PCGF3: variants seen among roughly 807,000 people sequenced by gnomAD.
The protein encoded by PCGF3 is polycomb group ring finger 3.
In PCGF3, 7 loss-of-function variants were observed where a neutral mutation model predicts 33.1. That is an observed-to-expected ratio of 0.21 (90% CI 0.12 to 0.40). The LOEUF (loss-of-function observed/expected upper bound fraction) is 0.40. Among genes scored for constraint, PCGF3 ranks in the 10% least tolerant of loss-of-function variants. PCGF3 has a pLI of 1.00. For missense variants in PCGF3, 211 were observed against 313.3 expected (o/e 0.67, Z 2.46); for synonymous variants, 153 against 121.3 (o/e 1.26, Z -1.72).
At chr4:751,195 C>T (rs73792347) in intron 8 of PCGF3, among the ~76,000 whole-genome samples, 27 of 152,144 alleles carry the variant, frequency 1.8e-4, no homozygotes, top group African/African-American at 5.3e-4. Flanking sequence ...TGGGATTATC[C>T]GCGTCTATAA....
At chr4:748,834 T>C (rs911756138) in intron 8 of PCGF3, among the ~76,000 whole-genome samples, 38 of 152,136 alleles carry the variant, frequency 2.5e-4, no homozygotes, top group African/African-American at 8.9e-4. Context: ...CTGGTTGGCC[T>C]TTGTTAGGTA....
chr4:709,064 A>G (rs897285308), intron 1 of PCGF3, among the ~76,000 whole-genome samples: 1 of 152,218 alleles, frequency 6.6e-6, no homozygotes, highest in Non-Finnish European at 1.5e-5. Context: ...CGAGCGGTCT[A>G]TGCTGTCCTT....
At chr4:757,193 G>C (rs1744805537) in intron 8 of PCGF3, 1 of 147,572 alleles carries the variant, frequency 6.8e-6, no homozygotes, top group Admixed American at 6.8e-5. Flanking sequence ...CCGCCCATGT[G>C]TGTCTGCGTT....
intron 4 of PCGF3, 177 bp downstream of exon 4, chr4:733,966 G>A: frequency 6.4e-7 from 1 of 1,551,512 alleles, no homozygotes; most frequent in Non-Finnish European, 8.7e-7. Flanking sequence ...TCACGCTAAA[G>A]GTCCTGTGGG....
At chr4:765,326 A>C (rs1447405284) in intron 10 of PCGF3, among the ~76,000 whole-genome samples, 1 of 152,116 alleles carries the variant, frequency 6.6e-6, no homozygotes, top group South Asian at 2.1e-4. Context: ...TCAGCTACTC[A>C]GGAGGCTGAG....
chr4:736,554 C>T lies in PCGF3; in HGVS notation c.207-912C>T, dbSNP rs182056002. Among the ~76,000 whole-genome samples, 307 of 102,248 alleles carry T rather than the reference C, an allele frequency of 3.0e-3. 13 individuals carry two copies. Among genetic ancestry groups the T allele is most frequent in the Non-Finnish European group, 3.7e-3 (180 of 49,184 alleles). 67.1% of individuals were successfully genotyped at this position (102,248 alleles called of 152,430 possible). A position where few individuals can be genotyped will look rare whatever the true frequency, so the allele number is the denominator to read the frequency against. ...TAGGATGCAGGGAACCTGGGGTGTC[C>T]GCAGGGACGGTGTCCCCTGAGCGCA... On this transcript the variant is annotated intron_variant, in intron 5 of 10. Coordinates refer to ENST00000362003, the Ensembl canonical transcript of PCGF3.
At chr4:736,209 A>G (rs1414560112) in intron 5 of PCGF3, among the ~76,000 whole-genome samples, 1 of 151,852 alleles carries the variant, frequency 6.6e-6, no homozygotes, top group Non-Finnish European at 1.5e-5. Context: ...CACCACGCCC[A>G]GCTAATTTTT....
intron 8 of PCGF3, chr4:756,985 TA>T (rs1744797310): frequency 1.3e-5 from 2 of 152,198 alleles, no homozygotes; most frequent in Non-Finnish European, 2.9e-5. Context: ...GCTTGTAACT[TA>T]GTGTATTTAA....
At chr4:719,459 C>G (rs1304908488) in intron 1 of PCGF3, among the ~76,000 whole-genome samples, 3 of 152,198 alleles carry the variant, frequency 2.0e-5, no homozygotes, top group Non-Finnish European at 2.9e-5. Flanking sequence ...CATGGTGGTG[C>G]CGGAGAGTGG....
intron 8 of PCGF3, among the ~76,000 whole-genome samples, chr4:752,249 G>C (rs1372488935): frequency 6.6e-6 from 1 of 152,146 alleles, no homozygotes; most frequent in East Asian, 1.9e-4. Context: ...TCTCAGTTCT[G>C]CCTCCCGCAG....
rs1745271124 is a variant in PCGF3, at chr4:764,802, C to T, written c.601-182C>T. The stretch of plus-strand genomic sequence containing the variant: ...GTTCAGCTGTGAGGTAGGGACCACA[C>T]TCCATCTCTAGGCTGTGAGGTAGGG... On this transcript the variant is annotated intron_variant, in intron 9 of 10. Coordinates refer to ENST00000362003, the Ensembl canonical transcript of PCGF3. 4 of 576,606 alleles carry T rather than the reference C, an allele frequency of 6.9e-6. No individual in the cohort carries two copies. In the Admixed American group the frequency reaches 1.2e-4, roughly 17 times the overall value. The allele number at this position is 576,606 out of a possible 1,614,324, so 35.7% of individuals were successfully genotyped here. A position where few individuals can be genotyped will look rare whatever the true frequency, so the allele number is the denominator to read the frequency against.
At position 761,386 on chromosome 4, in the gene PCGF3, CA is replaced by C; in HGVS notation, c.576del (p.Lys192AsnfsTer74). On this transcript the variant is annotated frameshift_variant, in exon 9 of 11. Transcript: ENST00000362003. LOFTEE classifies it high-confidence loss of function. ...TCTTGCATCTGAAGAAGTTCATCGC[CA>C]AAAAACTCAACCTTTCATCCTTTAA... 2 of 1,610,660 alleles carry C rather than the reference CA, an allele frequency of 1.2e-6. No homozygotes were observed. The highest frequency in any genetic ancestry group is 1.1e-5 in the South Asian group (1 of 90,502).
Position 720,575 on chromosome 4 carries a change from C to T in PCGF3, c.-189-10055C>T, listed in dbSNP as rs1743031027. On this transcript the variant is annotated intron_variant, in intron 1 of 10. Coordinates refer to ENST00000362003, the Ensembl canonical transcript of PCGF3. This position sits in a 1 kb window ranked among gnomAD's most constrained non-coding sequence, Gnocchi z 5.6. ...GACGCAGCCCCGACGTGAACAGGAC[C>T]CCACGTGGACGGGCAGTGACGTGCG... Among the ~76,000 whole-genome samples the T allele has an allele frequency of 6.7e-6, 1 of 149,598 alleles. No individual in the cohort carries two copies. The highest frequency in any genetic ancestry group is 2.5e-5 in the African/African-American group (1 of 40,474).
In PCGF3 at chr4:766,308, G is replaced by GCCCCA. The variant is rs916276294; in HGVS notation, c.*234_*238dup. ...CCCAGAGCCGATCGTCCTCTCCCCCGCCCCACCCCGTGCTTCAGCCTTGCA... is the reference window on the plus strand; with the variant it reads ...CCCAGAGCCGATCGTCCTCTCCCCCGCCCCACCCCACCCCGTGCTTCAGCCTTGCA... On this transcript the variant is annotated 3_prime_UTR_variant, in exon 11 of 11. Transcript: ENST00000362003. 1.9e-4 allele frequency: 90 copies of GCCCCA among 479,556 alleles called. No individual in the cohort carries two copies. In the South Asian group the frequency reaches 2.0e-3, roughly 11 times the overall value. The allele number at this position is 479,556 out of a possible 1,614,324, so 29.7% of individuals were successfully genotyped here. A position where few individuals can be genotyped will look rare whatever the true frequency, so the allele number is the denominator to read the frequency against.
At chr4:729,419 A>AT (rs1474434844) in intron 1 of PCGF3, among the ~76,000 whole-genome samples, 1 of 151,854 alleles carries the variant, frequency 6.6e-6, no homozygotes, top group East Asian at 1.9e-4. Flanking sequence ...TGTCTCAAAA[A>AT]AAAAAAAAGA....
intron 8 of PCGF3, among the ~76,000 whole-genome samples, chr4:754,696 G>A (rs1744690664): frequency 6.6e-6 from 1 of 152,206 alleles, no homozygotes; most frequent in Non-Finnish European, 1.5e-5. Flanking sequence ...GGAGGGAGAT[G>A]AGGCAGTTGG....
At chr4:752,831 C>T (rs894721995) in intron 8 of PCGF3, among the ~76,000 whole-genome samples, 4 of 152,370 alleles carry the variant, frequency 2.6e-5, no homozygotes, top group South Asian at 2.1e-4. Flanking sequence ...CCTTCAGGCC[C>T]CTGTCAGATC....
intron 6 of PCGF3, among the ~76,000 whole-genome samples, chr4:741,780 G>C (rs527268752): frequency 2.6e-5 from 4 of 152,206 alleles, no homozygotes; most frequent in East Asian, 3.9e-4. Flanking sequence ...TATTCTTACA[G>C]GTGAAAATTA....
At chr4:707,694 T>C (rs1479918500) in intron 1 of PCGF3, among the ~76,000 whole-genome samples, 12 of 125,198 alleles carry the variant, frequency 9.6e-5, no homozygotes, top group African/African-American at 3.5e-4. Context: ...TGTTTTCCCC[T>C]GGGGGCCGGG....
Sources: allele counts gnomAD v4.1 joint callset (sites outside exome capture counted in the v4.1 genomes callset), GRCh38; gene constraint gnomAD v4.1.1; non-coding constraint Gnocchi (gnomAD v3.1); transcripts MANE v1.5; gene names NCBI Gene and HGNC (gene_info 2026-07-23, HGNC 2026-07-21).